SYT12: variants seen among roughly 807,000 people sequenced by gnomAD.
SYT12 encodes synaptotagmin-12.
Under a neutral mutation model 39.5 loss-of-function variants are expected in SYT12, and 27 were observed. That is an observed-to-expected ratio of 0.68 (90% confidence interval 0.50 to 0.94). The LOEUF is 0.94. Ranked by LOEUF, SYT12 falls within the 40% of genes least tolerant of loss-of-function variation. The pLI, the probability that SYT12 is intolerant of heterozygous loss-of-function variation, is 0.00. For missense variants in SYT12, 536 were observed against 572.6 expected (o/e 0.94, Z 0.65); for synonymous variants, 233 against 239.7 (o/e 0.97, Z 0.26).
intron 4 of SYT12, 87 bp from the exon 5 acceptor site, chr11:67,043,551 C>T: frequency 7.9e-7 from 1 of 1,260,896 alleles, no homozygotes; most frequent in Non-Finnish European, 1.1e-6. Context: ...GGACTCTAGC[C>T]TGGGCCTCTG....
At chr11:67,042,346 C>T (rs754010185) in intron 4 of SYT12, among the ~76,000 whole-genome samples, 2 of 152,098 alleles carry the variant, frequency 1.3e-5, no homozygotes, top group African/African-American at 2.4e-5. Flanking sequence ...GGTTTGGGGA[C>T]GCATTCCTTG....
At position 67,049,037 on chromosome 11, in the gene SYT12, G is replaced by A. The variant is rs577542155; in HGVS notation, c.*280G>A. On this transcript the variant is annotated 3_prime_UTR_variant, in exon 8 of 8. Transcript: ENST00000527043. ...CTCCCGGTAGGCCAGCTGCCGAGCT[G>A]GGCTATGTTCTGGAACCCAGTGAAT... 8.6e-5 allele frequency: 30 copies of A among 348,188 alleles called. No homozygotes were observed. The highest frequency in any genetic ancestry group is 8.1e-4 in the Middle Eastern group (1 of 1,228). 21.6% of individuals were successfully genotyped at this position (348,188 alleles called of 1,614,324 possible). A position where few individuals can be genotyped will look rare whatever the true frequency, so the allele number is the denominator to read the frequency against.
At chr11:67,046,198 G>T (rs1051527713) in intron 7 of SYT12, among the ~76,000 whole-genome samples, 3 of 152,140 alleles carry the variant, frequency 2.0e-5, no homozygotes, top group African/African-American at 7.2e-5. Context: ...AACTGCAGAG[G>T]GTTGGAGAGG....
At chr11:67,010,835 C>G (rs1419940755) in exon 3 of SYT12, 2 of 152,166 alleles carry the variant, frequency 1.3e-5, no homozygotes, top group African/African-American at 2.4e-5. Flanking sequence ...CAAGTTGAAC[C>G]AAAGGAATTC....
At position 67,039,790 on chromosome 11, in the gene SYT12, G is replaced by A. The variant is rs377450521; in HGVS notation, c.229-21G>A. ...CCTATGGCCCCCATGATGCTCCCAC[G>A]TCCCTCTTTCTCACCCCTAGAGAGT... On this transcript the variant is annotated intron_variant, in intron 3 of 7. Coordinates refer to ENST00000527043, the MANE Select transcript of SYT12 (RefSeq NM_177963.4). 7.3e-5 allele frequency: 116 copies of A among 1,587,422 alleles called. No individual in the cohort carries two copies. The African/African-American group carries it at 1.1e-3, about 15-fold the overall frequency.
chr11:67,035,792 TCCTTCCTTCCTTCCTTCCTTCCTTC>T (rs1251556584), intron 3 of SYT12, among the ~76,000 whole-genome samples: 589 of 43,184 alleles, frequency 0.014, 27 homozygotes, highest in African/African-American at 0.039. Context: ...TTCTTTTCTT[TCCTTCCTTCCTTCCTTCCTTCCTTC>T]CTTCCTTCCT....
At chr11:67,032,602 CT>C (rs1950291469) in intron 2 of SYT12, 1 of 152,258 alleles carries the variant, frequency 6.6e-6, no homozygotes, top group Non-Finnish European at 1.5e-5. Context: ...CAGTTTTCCT[CT>C]TTTAGAAAGT....
At chr11:67,031,507 A>T (rs914270535) in intron 2 of SYT12, 5 of 152,218 alleles carry the variant, frequency 3.3e-5, no homozygotes, top group Non-Finnish European at 7.3e-5. Flanking sequence ...ATGGGTTAAT[A>T]TACGTGACGT....
upstream of SYT12, among the ~76,000 whole-genome samples, chr11:67,019,514 G>A (rs945712932): frequency 3.3e-5 from 5 of 150,990 alleles, no homozygotes; most frequent in African/African-American, 7.3e-5. Flanking sequence ...TTACTACCAC[G>A]AGAACAGTAC....
chr11:67,043,811 G>A lies in SYT12; in HGVS notation c.795G>A (p.Leu265=). 1 of 1,614,120 alleles carries A rather than the reference G, an allele frequency of 6.2e-7. No individual in the cohort carries two copies. The highest frequency in any genetic ancestry group is 8.5e-7 in the Non-Finnish European group (1 of 1,180,036). ...AGCTTTCTGTGCTTGACCTCCCGCT[G>A]CAGCCCTTCAGTGGCTGGCTCTATT... ...ELKLSVLDLP[L]QPFSGWLYLQ... The change falls in exon 5 of 8, where the codon CTG becomes CTA. Residue 265 remains leucine (L), a synonymous_variant. Coordinates refer to ENST00000527043, the MANE Select transcript of SYT12 (RefSeq NM_177963.4).
At chr11:67,039,775 C>G in intron 3 of SYT12, 36 bp from the exon 4 acceptor site, 1 of 1,571,562 alleles carries the variant, frequency 6.4e-7, no homozygotes, top group Non-Finnish European at 8.6e-7. Context: ...CCTATGGCCC[C>G]CATGATGCTC....
chr11:67,044,105 G>A (rs145192142), intron 5 of SYT12, among the ~76,000 whole-genome samples: 1 of 152,342 alleles, frequency 6.6e-6, no homozygotes, highest in East Asian at 1.9e-4. Context: ...CCCCTACTGA[G>A]CTTCTGCTAG....
chr11:67,037,541 T>C (rs1218558384), intron 3 of SYT12, among the ~76,000 whole-genome samples: 1 of 146,384 alleles, frequency 6.8e-6, no homozygotes, highest in East Asian at 1.9e-4. Flanking sequence ...CAAGATCTCA[T>C]CTCTACCAAA....
exon 1 of SYT12, chr11:67,006,923 T>G (rs1452380797): frequency 6.6e-6 from 1 of 152,244 alleles, no homozygotes; most frequent in Non-Finnish European, 1.5e-5. Context: ...TTGAGGTGCC[T>G]TGCAATGCTT....
rs142965467 is a variant in SYT12 at position 67,037,411 on chromosome 11, A to T, written c.229-2400A>T. ...CTGCTCAATGCAAAATTGGGGAACCATGAAAATTATGGTAAGCAGCCAGGT... is the reference window on the plus strand; with the variant it reads ...CTGCTCAATGCAAAATTGGGGAACCTTGAAAATTATGGTAAGCAGCCAGGT... On this transcript the variant is annotated intron_variant, in intron 3 of 7. Coordinates refer to ENST00000527043, the MANE Select transcript of SYT12 (RefSeq NM_177963.4). Among the ~76,000 whole-genome samples, 10 of 152,252 alleles carry T rather than the reference A, an allele frequency of 6.6e-5. 1 individual carries two copies. The East Asian group carries it at 1.9e-3, about 29-fold the overall frequency.
At chr11:67,013,306 A>G (rs1950027876) in intron 3 of SYT12, among the ~76,000 whole-genome samples, 2 of 152,144 alleles carry the variant, frequency 1.3e-5, no homozygotes, top group South Asian at 4.1e-4. Flanking sequence ...GGCCCTGGCC[A>G]TGCAAGCTCT....
rs1049912740 is a variant in SYT12 at position 67,012,125 on chromosome 11, C to T, written c.-69+1131C>T. Among the ~76,000 whole-genome samples the T allele has an allele frequency of 4.6e-5, 7 of 150,720 alleles. No individual in the cohort carries two copies. The East Asian group carries it at 1.2e-3, about 26-fold the overall frequency. ...GTGGCTCACACCTGTAAGCCCAGCA[C>T]TTTGGGAGGCCGAGGCGGGCGGATC... On this transcript the variant is annotated intron_variant, in intron 3 of 10. Coordinates refer to the SYT12 transcript ENST00000393946.
chr11:67,028,421 C>T (rs1052060648), intron 1 of SYT12: 1 of 152,212 alleles, frequency 6.6e-6, no homozygotes, highest in Non-Finnish European at 1.5e-5. Context: ...AAGCCAGGAG[C>T]TGGCTGTGCA....
chr11:67,039,013 T>TAAAG (rs1270873912), intron 3 of SYT12, among the ~76,000 whole-genome samples: 3 of 141,612 alleles, frequency 2.1e-5, no homozygotes, highest in African/African-American at 8.0e-5. Context: ...AATAAATAAA[T>TAAAG]AAATAGTTGG....
Sources: gnomAD v4.1 joint callset for allele counts (sites outside exome capture counted in the v4.1 genomes callset) on GRCh38, gnomAD v4.1.1 for gene constraint, MANE v1.5 for transcripts, NCBI Gene and HGNC (gene_info 2026-07-23, HGNC 2026-07-21) for gene names.